The following COLEC12 variants were observed in gnomAD, a reference collection of about 807,000 sequenced individuals.
COLEC12 encodes collectin subfamily member 12, also known as collectin-12.
A neutral mutation model predicts 71.1 loss-of-function variants in COLEC12; 33 were observed. That is an observed-to-expected ratio of 0.46 (90% CI 0.35 to 0.62). The LOEUF is 0.62. COLEC12 is among the 20% of genes least tolerant of loss of function. The probability of loss-of-function intolerance (pLI) is 0.00; values close to 1 mark genes in which losing one functional copy is unlikely to be tolerated. For missense variants in COLEC12, 765 were observed against 916.1 expected, an observed-to-expected ratio of 0.84 and a Z score of 2.13; for synonymous variants, 350 against 353.0, an observed-to-expected ratio of 0.99 and a Z score of 0.10.
rs114215244 is a variant in COLEC12, at chr18:398,025, A to G, written c.59-40503T>C. Among the ~76,000 whole-genome samples the G allele has an allele frequency of 9.2e-4, 140 of 151,850 alleles. 1 individual carries two copies. The highest frequency in any genetic ancestry group is 3.4e-3 in the African/African-American group (139 of 41,372). On this transcript the variant is annotated intron_variant, in intron 2 of 9. Coordinates refer to ENST00000400256, the MANE Select transcript of COLEC12 (RefSeq NM_130386.3). ...ATGTCTTAAATACTTACACAGGTCCATGGCCCAGGTCTATGACCTAACTTT... is the reference window on the plus strand; with the variant it reads ...ATGTCTTAAATACTTACACAGGTCCGTGGCCCAGGTCTATGACCTAACTTT...
chr18:483,935 C>G (rs1186136252), intron 1 of COLEC12, among the ~76,000 whole-genome samples: 13 of 152,210 alleles, frequency 8.5e-5, no homozygotes, highest in Admixed American at 8.5e-4. Context: ...CCAGCTCTAT[C>G]CTTTCCACCA....
intron 2 of COLEC12, among the ~76,000 whole-genome samples, chr18:375,706 T>C (rs966579158): frequency 6.6e-6 from 1 of 152,192 alleles, no homozygotes; most frequent in Non-Finnish European, 1.5e-5. Flanking sequence ...TTCATTTACT[T>C]ATGTATTTTA....
intron 2 of COLEC12, among the ~76,000 whole-genome samples, chr18:443,713 G>C (rs1044997996): frequency 2.6e-5 from 4 of 152,178 alleles, no homozygotes; most frequent in African/African-American, 9.7e-5. Context: ...GGAACGTGCT[G>C]ATATAGTTAG....
chr18:347,344 G>A lies in COLEC12; in HGVS notation c.281-3C>T, dbSNP rs1914408582. The stretch of plus-strand genomic sequence containing the variant: ...AGCTTTCTTCCCAGTTTGGTCACCT[G>A]GAATAAGAAATATCTGTGACTTATA... On this transcript the variant is annotated splice_polypyrimidine_tract_variant and splice_region_variant and intron_variant, in intron 4 of 9. Transcript: ENST00000400256. 1 of 1,608,596 alleles carries A rather than the reference G, an allele frequency of 6.2e-7. No homozygotes were observed. Among genetic ancestry groups the A allele is most frequent in the African/African-American group, 1.3e-5 (1 of 74,676 alleles).
At chr18:436,878 T>C (rs1487010382) in intron 2 of COLEC12, among the ~76,000 whole-genome samples, 4 of 152,190 alleles carry the variant, frequency 2.6e-5, no homozygotes, top group African/African-American at 9.7e-5. Flanking sequence ...GTTACCAATA[T>C]TGAAATACTT....
At chr18:457,934 T>C (rs2621166) in intron 2 of COLEC12, among the ~76,000 whole-genome samples, 35,565 of 152,140 alleles carry the variant, frequency 0.23, 5,350 homozygotes, top group South Asian at 0.44. Context: ...GTTTGCAGAA[T>C]TGGAAATTTA....
intron 5 of COLEC12, among the ~76,000 whole-genome samples, chr18:340,957 T>C (rs1036963118): frequency 5.3e-5 from 8 of 152,180 alleles, no homozygotes; most frequent in African/African-American, 1.9e-4. Context: ...CTTCTGAGCC[T>C]GTTAATGGAT....
At chr18:332,792 A>G (rs761195329) in intron 7 of COLEC12, among the ~76,000 whole-genome samples, 1 of 152,224 alleles carries the variant, frequency 6.6e-6, no homozygotes, top group South Asian at 2.1e-4. Flanking sequence ...CAGGCTTGAT[A>G]GGCAATATCT....
chr18:365,206 T>C (rs1246288534), intron 2 of COLEC12, among the ~76,000 whole-genome samples: 2 of 152,246 alleles, frequency 1.3e-5, no homozygotes, highest in East Asian at 3.8e-4. Context: ...CTGCCGGCTA[T>C]AATTTCTCCT....
intron 5 of COLEC12, among the ~76,000 whole-genome samples, chr18:337,166 T>TGAG (rs1224890628): frequency 6.6e-6 from 1 of 152,152 alleles, no homozygotes; most frequent in Non-Finnish European, 1.5e-5. Context: ...CCACTGTGCC[T>TGAG]GGCCTTACTT....
At chr18:495,501 C>T (rs1003491009) in intron 1 of COLEC12, among the ~76,000 whole-genome samples, 16 of 152,146 alleles carry the variant, frequency 1.1e-4, no homozygotes, top group Admixed American at 2.0e-4. Flanking sequence ...ATTCAATCAG[C>T]GGTAAGCAAA....
chr18:354,222 G>A (rs577155462), intron 3 of COLEC12, among the ~76,000 whole-genome samples: 45 of 152,328 alleles, frequency 3.0e-4, no homozygotes, highest in African/African-American at 1.0e-3. Flanking sequence ...GATGTACCAA[G>A]CTCAACTGTC....
Position 480,027 on chromosome 18 carries a change from T to G in COLEC12, c.58+680A>C, listed in dbSNP as rs1438104428. Among the ~76,000 whole-genome samples the G allele has an allele frequency of 6.6e-6, 1 of 152,242 alleles. No homozygotes were observed. The highest frequency in any genetic ancestry group is 2.4e-5 in the African/African-American group (1 of 41,472). ...GACCAGAGAACATAACAAAAATCTCTGCTTCCATCCTCACATCACCTTCTC... is the reference window on the plus strand; with the variant it reads ...GACCAGAGAACATAACAAAAATCTCGGCTTCCATCCTCACATCACCTTCTC... On this transcript the variant is annotated intron_variant, in intron 2 of 9. Coordinates refer to ENST00000400256, the MANE Select transcript of COLEC12 (RefSeq NM_130386.3). The surrounding 1 kb of genome is among the most constrained non-coding windows in gnomAD (Gnocchi z 4.1).
At chr18:488,086 T>A (rs1917552673) in intron 1 of COLEC12, among the ~76,000 whole-genome samples, 1 of 151,910 alleles carries the variant, frequency 6.6e-6, no homozygotes, top group African/African-American at 2.4e-5. Context: ...ATAATATATC[T>A]GGAAAACAGG....
At chr18:451,086 G>A (rs775155523) in intron 2 of COLEC12, among the ~76,000 whole-genome samples, 3 of 151,942 alleles carry the variant, frequency 2.0e-5, no homozygotes, top group East Asian at 1.9e-4. Flanking sequence ...GTTCATATGC[G>A]TGAGCATATG....
In COLEC12 at chr18:497,383, GGTGTGTGTGT is replaced by G. The variant is rs10689788; in HGVS notation, c.7+3115_7+3124del. Among the ~76,000 whole-genome samples the G allele has an allele frequency of 8.4e-4, 124 of 147,160 alleles. 4 individuals carry two copies. In the South Asian group the frequency reaches 0.017, roughly 20 times the overall value. ...GATTTTCAATTTGGCTAAAGAATGGGGTGTGTGTGTGTGTGTGTGTGTGTGTGTGTGTGTG... is the reference window on the plus strand; with the variant it reads ...GATTTTCAATTTGGCTAAAGAATGGGGTGTGTGTGTGTGTGTGTGTGTGTG... On this transcript the variant is annotated intron_variant, in intron 1 of 9. Transcript: ENST00000400256.
intron 2 of COLEC12, among the ~76,000 whole-genome samples, chr18:413,741 T>C (rs1228084346): frequency 6.6e-6 from 1 of 152,266 alleles, no homozygotes; most frequent in Non-Finnish European, 1.5e-5. Flanking sequence ...ATAATTCAGA[T>C]GTCCTTAGAC....
chr18:450,370 G>T (rs1916737030), intron 2 of COLEC12, among the ~76,000 whole-genome samples: 1 of 152,184 alleles, frequency 6.6e-6, no homozygotes, highest in South Asian at 2.1e-4. Context: ...CTCATGGATG[G>T]TTTAGCACTA....
intron 2 of COLEC12, among the ~76,000 whole-genome samples, chr18:434,697 A>G (rs868864081): frequency 6.6e-6 from 1 of 152,238 alleles, no homozygotes; most frequent in Non-Finnish European, 1.5e-5. Flanking sequence ...CCCTGGTCAT[A>G]GTGCCATCAA....
Sources: gnomAD v4.1 joint callset for allele counts (sites outside exome capture counted in the v4.1 genomes callset) on GRCh38, gnomAD v4.1.1 for gene constraint, Gnocchi (gnomAD v3.1) non-coding constraint, MANE v1.5 for transcripts, NCBI Gene and HGNC (gene_info 2026-07-23, HGNC 2026-07-21) for gene names.